The following SV2C variants were observed in gnomAD, a reference collection of about 807,000 sequenced individuals.
The protein encoded by SV2C is synaptic vesicle glycoprotein 2C, also known as solute carrier family 22 member B3.
A neutral mutation model predicts 79.7 loss-of-function variants in SV2C; 49 were observed. The observed-to-expected ratio is 0.61, with a 90% CI of 0.49 to 0.78. The LOEUF (loss-of-function observed/expected upper bound fraction) is 0.78. SV2C is among the 30% of genes least tolerant of loss of function. The pLI is 0.00. For synonymous variants in SV2C, 334 were observed against 333.2 expected, an observed-to-expected ratio of 1.00 and a Z score of -0.03; for missense variants, 833 against 912.9, an observed-to-expected ratio of 0.91 and a Z score of 1.13.
the SV2C span, among the ~76,000 whole-genome samples, chr5:75,917,904 C>A: frequency 6.6e-6 from 1 of 152,064 alleles, no homozygotes; most frequent in South Asian, 2.1e-4. Flanking sequence ...ACATTGCATG[C>A]CTATATAAAA....
chr5:76,162,832 G>A (rs1216606122), intron 2 of SV2C, among the ~76,000 whole-genome samples: 2 of 152,176 alleles, frequency 1.3e-5, no homozygotes, highest in Non-Finnish European at 2.9e-5. Flanking sequence ...AGTCCTGAGA[G>A]CAGGGTTTTC....
chr5:76,181,571 A>C (rs1244095037), intron 2 of SV2C, among the ~76,000 whole-genome samples: 4 of 152,128 alleles, frequency 2.6e-5, no homozygotes. Flanking sequence ...AAGGGCAAGC[A>C]AGCATGTCTT....
intron 8 of SV2C, among the ~76,000 whole-genome samples, chr5:76,294,304 CTTTTT>C (rs70979391): frequency 1.5e-5 from 2 of 129,516 alleles, no homozygotes; most frequent in Non-Finnish European, 3.2e-5. Context: ...TTCTCTCTCT[CTTTTT>C]TTTTTTTTTT....
intron 1 of SV2C, among the ~76,000 whole-genome samples, chr5:76,123,162 C>A (rs901427202): frequency 2.0e-5 from 3 of 152,102 alleles, no homozygotes; most frequent in Admixed American, 1.3e-4. Flanking sequence ...ATACACTCTC[C>A]CAAGACTAAA....
chr5:75,934,575 C>T, the SV2C span, among the ~76,000 whole-genome samples: 1 of 152,100 alleles, frequency 6.6e-6, no homozygotes. Flanking sequence ...CTTTAGCCGT[C>T]GTGCCTGGCC....
At chr5:76,070,712 A>C in the SV2C span, among the ~76,000 whole-genome samples, 1 of 152,212 alleles carries the variant, frequency 6.6e-6, no homozygotes, top group Non-Finnish European at 1.5e-5. Context: ...ACTGCGCTCT[A>C]TGCTCTTCTG....
the SV2C span, among the ~76,000 whole-genome samples, chr5:75,898,139 C>G: frequency 6.6e-6 from 1 of 152,178 alleles, no homozygotes; most frequent in East Asian, 1.9e-4. Flanking sequence ...GCATCCCTGT[C>G]TTGTGCCAGT....
the SV2C span, among the ~76,000 whole-genome samples, chr5:75,859,663 C>T: frequency 1.3e-5 from 2 of 152,112 alleles, no homozygotes; most frequent in Admixed American, 6.5e-5. Context: ...ATAACCACTC[C>T]GCGGCATTCC....
At chr5:75,973,562 A>G in the SV2C span, among the ~76,000 whole-genome samples, 19 of 151,998 alleles carry the variant, frequency 1.3e-4, no homozygotes, top group African/African-American at 4.6e-4. Flanking sequence ...GGGTCAGCTT[A>G]TCAATTGAAA....
At chr5:75,903,414 C>A in the SV2C span, among the ~76,000 whole-genome samples, 7 of 151,162 alleles carry the variant, frequency 4.6e-5, no homozygotes, top group Non-Finnish European at 1.0e-4. Flanking sequence ...TTCTGTTGAA[C>A]CTATGGTTTA....
At chr5:76,079,022 G>T, upstream of SV2C, 1 of 424,666 alleles carries the variant, frequency 2.4e-6, no homozygotes, top group Non-Finnish European at 4.7e-6. Flanking sequence ...GTTTGAAGAG[G>T]GGCCATCAAC....
At chr5:76,036,491 C>G in the SV2C span, among the ~76,000 whole-genome samples, 2 of 151,928 alleles carry the variant, frequency 1.3e-5, no homozygotes, top group Non-Finnish European at 2.9e-5. Context: ...TTTTATTTCT[C>G]CTTCACTTAT....
the SV2C span, among the ~76,000 whole-genome samples, chr5:76,009,734 A>G: frequency 6.6e-6 from 1 of 152,132 alleles, no homozygotes; most frequent in Non-Finnish European, 1.5e-5. Context: ...TGTGGCAACA[A>G]TAGACACGGG....
At chr5:75,855,969 A>C in the SV2C span, among the ~76,000 whole-genome samples, 1 of 152,158 alleles carries the variant, frequency 6.6e-6, no homozygotes, top group Non-Finnish European at 1.5e-5. Context: ...CTAGCCCCAG[A>C]TCATTGTACT....
At chr5:75,876,053 G>A in the SV2C span, among the ~76,000 whole-genome samples, 1 of 152,102 alleles carries the variant, frequency 6.6e-6, no homozygotes. Context: ...ATCCAACCCA[G>A]CAATGCAATT....
At chr5:75,915,438 G>A in the SV2C span, among the ~76,000 whole-genome samples, 29 of 152,254 alleles carry the variant, frequency 1.9e-4, no homozygotes, top group East Asian at 4.4e-3. Context: ...AAAGTTCAAG[G>A]TAATTGTTGA....
chr5:75,955,638 C>T, the SV2C span, among the ~76,000 whole-genome samples: 3 of 147,204 alleles, frequency 2.0e-5, no homozygotes, highest in Non-Finnish European at 3.0e-5. Flanking sequence ...ATTTTCACAA[C>T]CTACTCATCT....
the SV2C span, among the ~76,000 whole-genome samples, chr5:76,020,989 A>G: frequency 2.6e-5 from 4 of 152,230 alleles, no homozygotes; most frequent in Non-Finnish European, 2.9e-5. Context: ...ATTTTACTGC[A>G]TCAGGTCACT....
intron 6 of SV2C, among the ~76,000 whole-genome samples, chr5:76,288,830 C>A (rs2112501162): frequency 6.6e-6 from 1 of 151,824 alleles, no homozygotes; most frequent in South Asian, 2.1e-4. Context: ...TTTTTAAATC[C>A]ACGGTACAGC....
Sources: allele counts gnomAD v4.1 joint callset (sites outside exome capture counted in the v4.1 genomes callset), GRCh38; gene constraint gnomAD v4.1.1; transcripts MANE v1.5; gene names NCBI Gene and HGNC (gene_info 2026-07-23, HGNC 2026-07-21).